Variants in CACNB2 observed in about 807,000 individuals in gnomAD.
CACNB2 encodes the protein calcium voltage-gated channel auxiliary subunit beta 2, also known as voltage-dependent L-type calcium channel subunit beta-2.
CACNB2 carries 42 observed loss-of-function variants against 73.3 expected under a neutral mutation model. The observed-to-expected ratio is 0.57, with a 90% CI of 0.45 to 0.74. The LOEUF is 0.74. Among genes scored for constraint, CACNB2 ranks in the 30% least tolerant of loss-of-function variants. CACNB2 has a pLI of 0.00. For synonymous variants in CACNB2, 348 were observed against 310.3 expected (o/e 1.12, Z -1.28); for missense variants, 940 against 853.0 (o/e 1.10, Z -1.27).
intron 3 of CACNB2, among the ~76,000 whole-genome samples, chr10:18,404,479 T>C (rs1206147051): frequency 6.6e-6 from 1 of 152,216 alleles, no homozygotes; most frequent in Non-Finnish European, 1.5e-5. Flanking sequence ...ACATAACAAT[T>C]CATGCTATTT....
At chr10:18,522,180 T>C (rs1311450416) in intron 9 of CACNB2, among the ~76,000 whole-genome samples, 2 of 151,944 alleles carry the variant, frequency 1.3e-5, no homozygotes, top group Non-Finnish European at 2.9e-5. Context: ...ATCAACCCCA[T>C]AAAGGACCAT....
intron 2 of CACNB2, among the ~76,000 whole-genome samples, chr10:18,276,719 T>C (rs563639057): frequency 6.6e-6 from 1 of 152,258 alleles, no homozygotes; most frequent in East Asian, 1.9e-4. Flanking sequence ...GCTGGGATTA[T>C]AGGCATGTGC....
intron 3 of CACNB2, among the ~76,000 whole-genome samples, chr10:18,447,583 C>T (rs941868855): frequency 6.6e-6 from 1 of 152,026 alleles, no homozygotes; most frequent in African/African-American, 2.4e-5. Context: ...TCAGCAACGT[C>T]AAATGCTGCA....
At chr10:18,405,435 ATGC>A (rs2044235343) in intron 3 of CACNB2, among the ~76,000 whole-genome samples, 1 of 152,168 alleles carries the variant, frequency 6.6e-6, no homozygotes, top group South Asian at 2.1e-4. Context: ...ATTGTGCGTA[ATGC>A]TGTTACGAAC....
At chr10:18,375,314 A>T (rs2042751617) in intron 2 of CACNB2, among the ~76,000 whole-genome samples, 1 of 152,202 alleles carries the variant, frequency 6.6e-6, no homozygotes, top group Non-Finnish European at 1.5e-5. Context: ...TGCCATAGGG[A>T]AAAAGATACA....
chr10:18,320,897 G>A (rs1345749030), intron 2 of CACNB2, among the ~76,000 whole-genome samples: 1 of 152,110 alleles, frequency 6.6e-6, no homozygotes, highest in Non-Finnish European at 1.5e-5. Context: ...CCATATCCAA[G>A]AAACCAAGGA....
intron 1 of CACNB2, chr10:18,141,063 T>C: frequency 6.5e-7 from 1 of 1,547,520 alleles, no homozygotes; most frequent in Non-Finnish European, 8.7e-7. Flanking sequence ...CATTTTTCTC[T>C]GCTTCCGAAA....
chr10:18,380,071 A>G (rs1247211966), intron 2 of CACNB2, among the ~76,000 whole-genome samples: 3 of 152,186 alleles, frequency 2.0e-5, no homozygotes, highest in Non-Finnish European at 2.9e-5. Context: ...CCCTTTTGTG[A>G]CTGGCTTATC....
chr10:18,272,897 G>C (rs534225049), intron 2 of CACNB2, among the ~76,000 whole-genome samples: 1 of 152,150 alleles, frequency 6.6e-6, no homozygotes, highest in Non-Finnish European at 1.5e-5. Flanking sequence ...TGGGTCACTA[G>C]CGTTAGGATT....
At chr10:18,422,886 C>CGGGGTTTCACTAT (rs1238889406) in intron 3 of CACNB2, among the ~76,000 whole-genome samples, 1 of 152,094 alleles carries the variant, frequency 6.6e-6, no homozygotes, top group Non-Finnish European at 1.5e-5. Context: ...TTAGTAGAGA[C>CGGGGTTTCACTAT]GGGGTTTCAC....
intron 3 of CACNB2, among the ~76,000 whole-genome samples, chr10:18,428,979 G>T (rs1216914945): frequency 6.6e-6 from 1 of 151,998 alleles, no homozygotes; most frequent in African/African-American, 2.4e-5. Flanking sequence ...GTCTGTATTT[G>T]TTTACATTTA....
At chr10:18,417,152 G>C (rs1419588834) in intron 3 of CACNB2, among the ~76,000 whole-genome samples, 1 of 150,194 alleles carries the variant, frequency 6.7e-6, no homozygotes, top group East Asian at 2.0e-4. Flanking sequence ...CAAAAATAAA[G>C]CAGGGCAGCT....
intron 3 of CACNB2, among the ~76,000 whole-genome samples, chr10:18,454,383 GT>G: frequency 6.6e-6 from 1 of 152,282 alleles, no homozygotes; most frequent in South Asian, 2.1e-4. Context: ...TTTCTAGGCA[GT>G]TTTTTTCCTA....
chr10:18,363,668 C>G (rs1458478739), intron 2 of CACNB2, among the ~76,000 whole-genome samples: 3 of 152,034 alleles, frequency 2.0e-5, no homozygotes, highest in African/African-American at 7.2e-5. Context: ...ACAATGTGGC[C>G]AAAGGAAGTG....
At chr10:18,467,011 G>T (rs1330655425) in intron 3 of CACNB2, among the ~76,000 whole-genome samples, 1 of 151,926 alleles carries the variant, frequency 6.6e-6, no homozygotes, top group African/African-American at 2.4e-5. Context: ...AAAATTAGCC[G>T]GGCATGGTGG....
At chr10:18,464,786 T>A (rs1271821465) in intron 3 of CACNB2, among the ~76,000 whole-genome samples, 4 of 152,254 alleles carry the variant, frequency 2.6e-5, no homozygotes, top group Non-Finnish European at 5.9e-5. Context: ...CATCTGCATT[T>A]ACGCAGGGGC....
chr10:18,488,571 A>G (rs2049211060), intron 3 of CACNB2, among the ~76,000 whole-genome samples: 1 of 151,750 alleles, frequency 6.6e-6, no homozygotes, highest in African/African-American at 2.4e-5. Context: ...TGTACTTAAA[A>G]GGAATAGGTT....
chr10:18,262,714 T>A (rs1003501521), intron 2 of CACNB2, among the ~76,000 whole-genome samples: 1 of 152,206 alleles, frequency 6.6e-6, no homozygotes, highest in Non-Finnish European at 1.5e-5. Flanking sequence ...GAGTGAGAAT[T>A]TCTTAGCTTT....
chr10:18,310,098 AT>A lies in CACNB2; in HGVS notation c.214-91816del, dbSNP rs918213283. Among the ~76,000 whole-genome samples, 782 of 150,020 alleles carry A rather than the reference AT, an allele frequency of 5.2e-3. 25 individuals carry two copies. The highest frequency in any genetic ancestry group is 1.1e-3 in the Non-Finnish European group (75 of 67,362). ...AGTTTCTTAATTTGGTCTCAAATAG[AT>A]TTTTTTTTTCAACTTGCGTGCTACA... On this transcript the variant is annotated intron_variant, in intron 2 of 13. Transcript: ENST00000324631.
Sources: gnomAD v4.1 joint callset for allele counts (sites outside exome capture counted in the v4.1 genomes callset) on GRCh38, gnomAD v4.1.1 for gene constraint, MANE v1.5 for transcripts, NCBI Gene and HGNC (gene_info 2026-07-23, HGNC 2026-07-21) for gene names.